The following KIRREL3 variants were observed in gnomAD, a reference collection of about 807,000 sequenced individuals.
KIRREL3 encodes kin of IRRE-like protein 3.
A neutral mutation model predicts 89.7 loss-of-function variants in KIRREL3; 36 were observed. The observed-to-expected ratio is 0.40, with a 90% CI of 0.31 to 0.53. The LOEUF (loss-of-function observed/expected upper bound fraction) is 0.53, where lower values mean the gene tolerates loss of function less well. Among genes scored for constraint, KIRREL3 ranks in the 20% least tolerant of loss-of-function variants. The pLI is 0.49. For missense variants in KIRREL3, 864 were observed against 1,056.6 expected, an observed-to-expected ratio of 0.82 and a Z score of 2.53; for synonymous variants, 445 against 441.4, an observed-to-expected ratio of 1.01 and a Z score of -0.10.
chr11:126,932,644 T>C (rs1257296331), intron 1 of KIRREL3, among the ~76,000 whole-genome samples: 4 of 152,308 alleles, frequency 2.6e-5, no homozygotes, highest in Non-Finnish European at 5.9e-5. Context: ...GGCCAGGAAA[T>C]GTGCTTCTGC....
intron 1 of KIRREL3, among the ~76,000 whole-genome samples, chr11:126,941,734 G>A (rs1326230820): frequency 6.6e-6 from 1 of 152,250 alleles, no homozygotes; most frequent in Non-Finnish European, 1.5e-5. Flanking sequence ...TGGGCTGGAT[G>A]AAGGGTGCTA....
At position 126,726,362 on chromosome 11, in the gene KIRREL3, C is replaced by T. The variant is rs185530273; in HGVS notation, c.56-163450G>A. Among the ~76,000 whole-genome samples the T allele has an allele frequency of 7.3e-4, 110 of 151,406 alleles. 1 individual carries two copies. The highest frequency in any genetic ancestry group is 3.1e-3 in the Admixed American group (47 of 15,256). ...GCTTTATGAAAAAGTCTGAACTACACAAGATGCCTCCTTTTTTTCTTTTTA... is the reference window on the plus strand; with the variant it reads ...GCTTTATGAAAAAGTCTGAACTACATAAGATGCCTCCTTTTTTTCTTTTTA... On this transcript the variant is annotated intron_variant, in intron 1 of 16. Transcript: ENST00000525144.
intron 1 of KIRREL3, among the ~76,000 whole-genome samples, chr11:126,584,856 C>A (rs1941741657): frequency 6.6e-6 from 1 of 152,184 alleles, no homozygotes; most frequent in Non-Finnish European, 1.5e-5. Flanking sequence ...ACTGTGGCTT[C>A]ATCTGTAGAG....
In KIRREL3 at chr11:126,431,203, G is replaced by A. The variant is rs1289929005; in HGVS notation, c.1696+216C>T. 6.7e-7 allele frequency: 1 copy of A among 1,489,656 alleles called. No homozygotes were observed. The highest frequency in any genetic ancestry group is 1.4e-5 in the African/African-American group (1 of 71,976). 92.3% of individuals were successfully genotyped at this position (1,489,656 alleles called of 1,614,324 possible). On this transcript the variant is annotated intron_variant, in intron 14 of 16. Transcript: ENST00000525144. The surrounding 1 kb of genome is among the most constrained non-coding windows in gnomAD (Gnocchi z 7.1). ...TGCCCTGCAGATGAAGTTCAGTCTA[G>A]TCCAGGTCAACCTCAGCCTAGCGCC...
At chr11:126,717,591 C>T (rs1020841558) in intron 1 of KIRREL3, among the ~76,000 whole-genome samples, 1 of 152,228 alleles carries the variant, frequency 6.6e-6, no homozygotes, top group Non-Finnish European at 1.5e-5. Context: ...CATCCTCACT[C>T]ATCTCTGTCC....
chr11:126,986,800 G>A (rs1393184383), intron 1 of KIRREL3, among the ~76,000 whole-genome samples: 3 of 152,152 alleles, frequency 2.0e-5, no homozygotes, highest in Non-Finnish European at 4.4e-5. Context: ...CAGCTCCCAC[G>A]AGTCACCTTA....
chr11:126,435,385 G>C, intron 12 of KIRREL3, 82 bp from the exon 13 acceptor site: 1 of 1,384,468 alleles, frequency 7.2e-7, no homozygotes, highest in South Asian at 1.2e-5. Context: ...CTGCTTGAGC[G>C]GGGCTGGGTG....
chr11:126,556,606 C>G (rs1591731866), intron 2 of KIRREL3, among the ~76,000 whole-genome samples: 1 of 152,072 alleles, frequency 6.6e-6, no homozygotes, highest in African/African-American at 2.4e-5. Context: ...CCACTGCACT[C>G]TAGCAGAATG....
rs1246642984 is a variant in KIRREL3, at chr11:126,994,824, C to T, written c.55+5631G>A. On this transcript the variant is annotated intron_variant, in intron 1 of 16. Coordinates refer to ENST00000525144, the MANE Select transcript of KIRREL3 (RefSeq NM_032531.4). The surrounding 1 kb of genome is among the most constrained non-coding windows in gnomAD (Gnocchi z 5.2). ...CTTTCTGAGAGGACTGAAGCCCTTC[C>T]GTGCTTCATAATAAAGCTTTGGCAG... Among the ~76,000 whole-genome samples the T allele has an allele frequency of 2.6e-5, 4 of 152,252 alleles. No individual in the cohort carries two copies. Among genetic ancestry groups the T allele is most frequent in the South Asian group, 2.1e-4 (1 of 4,816 alleles).
chr11:126,939,786 A>G (rs1948363168), intron 1 of KIRREL3, among the ~76,000 whole-genome samples: 3 of 152,208 alleles, frequency 2.0e-5, no homozygotes, highest in African/African-American at 7.2e-5. Flanking sequence ...AACTGATATT[A>G]TAGCAAATCT....
chr11:126,698,465 G>T (rs1439346822), intron 1 of KIRREL3, among the ~76,000 whole-genome samples: 1 of 152,232 alleles, frequency 6.6e-6, no homozygotes, highest in Non-Finnish European at 1.5e-5. Flanking sequence ...CTGCCGGCTT[G>T]TCTTAGTAGG....
intron 1 of KIRREL3, among the ~76,000 whole-genome samples, chr11:126,929,989 G>A (rs1338344805): frequency 6.6e-6 from 1 of 152,026 alleles, no homozygotes; most frequent in African/African-American, 2.4e-5. Context: ...GTACACTTGA[G>A]GGAGGAGGAA....
rs1406239153 is a variant in KIRREL3 at position 126,475,971 on chromosome 11, C to T, written c.434-2505G>A. Among the ~76,000 whole-genome samples the T allele has an allele frequency of 2.0e-5, 3 of 152,180 alleles. No homozygotes were observed. The highest frequency in any genetic ancestry group is 4.8e-5 in the African/African-American group (2 of 41,440). ...AGCTGAGGGCCTGGAAAAAGAGCCA[C>T]GTGGAGCCCTGGGGACAGCCTGGAT... On this transcript the variant is annotated intron_variant, in intron 4 of 16. Coordinates refer to ENST00000525144, the MANE Select transcript of KIRREL3 (RefSeq NM_032531.4). This position sits in a 1 kb window ranked among gnomAD's most constrained non-coding sequence, Gnocchi z 7.5.
In KIRREL3 at chr11:126,689,941, A is replaced by C. The variant is rs1946814491; in HGVS notation, c.56-127029T>G. 6.6e-6 allele frequency among the ~76,000 whole-genome samples: 1 copy of C among 152,208 alleles called. No individual in the cohort carries two copies. The highest frequency in any genetic ancestry group is 1.5e-5 in the Non-Finnish European group (1 of 68,034). On this transcript the variant is annotated intron_variant, in intron 1 of 16. Transcript: ENST00000525144. This position sits in a 1 kb window ranked among gnomAD's most constrained non-coding sequence, Gnocchi z 5.2. ...TTAGTGAAACAGGGATGGGAGTGTG[A>C]GAGTTGATGCTTCTTTTAGACCCTA... is the stretch of plus-strand genomic sequence containing the variant.
rs1438885882 is a variant in KIRREL3 at position 126,639,544 on chromosome 11, C to G, written c.56-76632G>C. 2.0e-5 allele frequency among the ~76,000 whole-genome samples: 3 copies of G among 152,170 alleles called. No homozygotes were observed. The highest frequency in any genetic ancestry group is 2.0e-4 in the Admixed American group (3 of 15,276). On this transcript the variant is annotated intron_variant, in intron 1 of 16. Transcript: ENST00000525144. The surrounding 1 kb of genome is among the most constrained non-coding windows in gnomAD (Gnocchi z 4.3). The stretch of plus-strand genomic sequence containing the variant: ...GTTAAGAAGGCAGATGCTAACCAAC[C>G]ACCAATTGCATCCCAGGACAGTTGC...
intron 1 of KIRREL3, among the ~76,000 whole-genome samples, chr11:126,597,488 C>A (rs977790393): frequency 2.6e-5 from 4 of 152,184 alleles, no homozygotes; most frequent in Admixed American, 6.5e-5. Context: ...GAGATGGGAG[C>A]CTTGTAACTT....
At chr11:126,974,860 C>T (rs77471531) in intron 1 of KIRREL3, among the ~76,000 whole-genome samples, 2,007 of 152,272 alleles carry the variant, frequency 0.013, 52 homozygotes, top group East Asian at 0.12. Context: ...TGTGCACCAC[C>T]ATGCCTGGCT....
chr11:126,988,339 G>A (rs1949930926), intron 1 of KIRREL3: 1 of 152,660 alleles, frequency 6.6e-6, no homozygotes, highest in Admixed American at 6.5e-5. Flanking sequence ...CTCAGCTTTT[G>A]TTTGGGGGAA....
At chr11:126,458,035 G>A (rs1399438820) in intron 6 of KIRREL3, among the ~76,000 whole-genome samples, 2 of 151,776 alleles carry the variant, frequency 1.3e-5, no homozygotes, top group South Asian at 4.2e-4. Context: ...CACCCCCGGG[G>A]CATCCACACG....
Sources: gnomAD v4.1 joint callset for allele counts (sites outside exome capture counted in the v4.1 genomes callset) on GRCh38, gnomAD v4.1.1 for gene constraint, Gnocchi (gnomAD v3.1) non-coding constraint, MANE v1.5 for transcripts, NCBI Gene and HGNC (gene_info 2026-07-23, HGNC 2026-07-21) for gene names.